Variants in BZW2 observed in about 807,000 individuals in gnomAD.
The protein encoded by BZW2 is eIF5-mimic protein 1.
BZW2 carries 23 observed loss-of-function variants against 53.2 expected under a neutral mutation model. The observed-to-expected ratio is 0.43, with a 90% CI of 0.31 to 0.61. The LOEUF is 0.61. Among genes scored for constraint, BZW2 ranks in the 20% least tolerant of loss-of-function variants. The pLI is 0.09. For synonymous variants in BZW2, 227 were observed against 186.4 expected (o/e 1.22, Z -1.77); for missense variants, 409 against 503.1 (o/e 0.81, Z 1.79).
chr7:16,687,450 C>G (rs542217572), intron 6 of BZW2: 1 of 152,270 alleles, frequency 6.6e-6, no homozygotes, highest in East Asian at 1.9e-4. Context: ...GGTATGGTAA[C>G]TCATGCCTGT....
intron 2 of BZW2, among the ~76,000 whole-genome samples, chr7:16,669,070 A>C (rs1782521271): frequency 6.6e-6 from 1 of 152,348 alleles, no homozygotes; most frequent in South Asian, 2.1e-4. Flanking sequence ...AACTGCAGGC[A>C]TTCAGCATGA....
intron 9 of BZW2, among the ~76,000 whole-genome samples, chr7:16,697,335 C>A (rs1783531223): frequency 6.6e-6 from 1 of 152,190 alleles, no homozygotes; most frequent in South Asian, 2.1e-4. Flanking sequence ...AAGCTATCCT[C>A]CTGCCTTGGC....
At chr7:16,703,078 C>T (rs1783719131) in intron 10 of BZW2, among the ~76,000 whole-genome samples, 1 of 152,154 alleles carries the variant, frequency 6.6e-6, no homozygotes, top group African/African-American at 2.4e-5. Context: ...CCTCGGGACA[C>T]AACTGCCTGC....
At chr7:16,648,182 G>T (rs1781913971) in intron 1 of BZW2, among the ~76,000 whole-genome samples, 1 of 152,076 alleles carries the variant, frequency 6.6e-6, no homozygotes, top group African/African-American at 2.4e-5. Context: ...TTTAATGTAG[G>T]GATAAGATTA....
chr7:16,661,879 G>A (rs979470335), intron 1 of BZW2, among the ~76,000 whole-genome samples: 3 of 152,026 alleles, frequency 2.0e-5, no homozygotes, highest in Admixed American at 1.3e-4. Context: ...TACCACCATG[G>A]GGATTTGTCT....
At chr7:16,693,854 T>C (rs190514095) in intron 7 of BZW2, among the ~76,000 whole-genome samples, 1 of 152,298 alleles carries the variant, frequency 6.6e-6, no homozygotes, top group African/African-American at 2.4e-5. Context: ...ATTAATAGGA[T>C]GATAGAACAT....
intron 10 of BZW2, among the ~76,000 whole-genome samples, chr7:16,700,219 G>A (rs1369022630): frequency 2.6e-5 from 4 of 152,132 alleles, no homozygotes; most frequent in Non-Finnish European, 4.4e-5. Flanking sequence ...GATATATATA[G>A]TCTGTTTTCT....
chr7:16,671,581 T>C (rs1004317278), intron 2 of BZW2, among the ~76,000 whole-genome samples: 6 of 152,194 alleles, frequency 3.9e-5, no homozygotes, highest in Non-Finnish European at 2.9e-5. Context: ...TTATCCATTT[T>C]TGAGGCCTTG....
At chr7:16,647,128 G>C (rs551356699) in intron 1 of BZW2, among the ~76,000 whole-genome samples, 4 of 152,244 alleles carry the variant, frequency 2.6e-5, no homozygotes, top group Admixed American at 6.5e-5. Context: ...TTCAGAATAA[G>C]ATTTGCTTGC....
At chr7:16,668,309 C>A (rs963858067) in intron 2 of BZW2, among the ~76,000 whole-genome samples, 1 of 152,226 alleles carries the variant, frequency 6.6e-6, no homozygotes, top group African/African-American at 2.4e-5. Flanking sequence ...AAAGTTTTCT[C>A]TCCTTCAGAA....
At chr7:16,692,710 G>C (rs896407094) in intron 7 of BZW2, among the ~76,000 whole-genome samples, 6 of 152,208 alleles carry the variant, frequency 3.9e-5, no homozygotes, top group African/African-American at 1.4e-4. Context: ...GCTGCAGTGA[G>C]CTAAGATCAC....
At position 16,692,052 on chromosome 7, in the gene BZW2, C is replaced by T. The variant is rs1783325851; in HGVS notation, c.651+2146C>T. ...ACAAAAGAATGAGGAACTAGTGAGT[C>T]AGTTCCACTCTTTAGGAGGAAATTT... On this transcript the variant is annotated intron_variant, in intron 7 of 11. Transcript: ENST00000258761. Among the ~76,000 whole-genome samples the T allele has an allele frequency of 4.6e-5, 7 of 152,174 alleles. No homozygotes were observed. In the South Asian group the frequency reaches 1.4e-3, roughly 32 times the overall value.
chr7:16,697,205 T>G (rs912982383), intron 9 of BZW2, 144 bp downstream of exon 9: 29 of 939,718 alleles, frequency 3.1e-5, no homozygotes, highest in Non-Finnish European at 4.3e-5. Context: ...CCCTCCCTCC[T>G]CAGCCTCCCA....
At chr7:16,705,846 A>C (rs191618910) in intron 11 of BZW2, among the ~76,000 whole-genome samples, 31 of 151,710 alleles carry the variant, frequency 2.0e-4, no homozygotes, top group Non-Finnish European at 4.0e-4. Flanking sequence ...ATATGTATGC[A>C]TGTTGCATTT....
In BZW2 at chr7:16,657,101, A is replaced by G. The variant is rs903985144; in HGVS notation, c.-7-8336A>G. Among the ~76,000 whole-genome samples the G allele has an allele frequency of 4.6e-5, 7 of 152,334 alleles. No individual in the cohort carries two copies. The South Asian group carries it at 1.2e-3, about 27-fold the overall frequency. On this transcript the variant is annotated intron_variant, in intron 1 of 11. Transcript: ENST00000258761. ...ACATATCTTTTTATGCAAAAATGTT[A>G]TTATTGCTCGTGACTCTTTGAGAAT... is the stretch of plus-strand genomic sequence containing the variant.
chr7:16,670,692 C>G (rs1752727074), intron 2 of BZW2, among the ~76,000 whole-genome samples: 1 of 152,096 alleles, frequency 6.6e-6, no homozygotes, highest in Non-Finnish European at 1.5e-5. Flanking sequence ...ACCCAGTTAT[C>G]CCCTCCTCCC....
At chr7:16,691,407 T>C (rs1196968586) in intron 7 of BZW2, among the ~76,000 whole-genome samples, 1 of 152,234 alleles carries the variant, frequency 6.6e-6, no homozygotes, top group Non-Finnish European at 1.5e-5. Context: ...TTCTTGTCCA[T>C]GAGGCTGTGG....
chr7:16,660,963 A>G (rs1021970921), intron 1 of BZW2, among the ~76,000 whole-genome samples: 2 of 152,288 alleles, frequency 1.3e-5, no homozygotes, highest in Middle Eastern at 3.4e-3. Context: ...ACACTGTAAC[A>G]GCAGAATTGA....
At chr7:16,654,829 G>A (rs1219210717) in intron 1 of BZW2, among the ~76,000 whole-genome samples, 7 of 151,870 alleles carry the variant, frequency 4.6e-5, no homozygotes, top group South Asian at 2.1e-4. Flanking sequence ...ATAAGCCACC[G>A]TGCCCAGCCT....
Sources: allele counts gnomAD v4.1 joint callset (sites outside exome capture counted in the v4.1 genomes callset), GRCh38; gene constraint gnomAD v4.1.1; transcripts MANE v1.5; gene names NCBI Gene and HGNC (gene_info 2026-07-23, HGNC 2026-07-21).